CPE: variants seen among roughly 807,000 people sequenced by gnomAD.
CPE encodes the protein carbocypeptidase E.
In CPE, 17 loss-of-function variants were observed where a neutral mutation model predicts 53.5. That is an observed-to-expected ratio of 0.32 (90% CI 0.22 to 0.48). The LOEUF (loss-of-function observed/expected upper bound fraction) is 0.48, where lower values mean the gene tolerates loss of function less well. CPE is among the 20% of genes least tolerant of loss of function. The pLI, the probability that CPE is intolerant of heterozygous loss-of-function variation, is 0.99. For missense variants in CPE, 524 were observed against 614.7 expected, an observed-to-expected ratio of 0.85 and a Z score of 1.56; for synonymous variants, 226 against 228.8, an observed-to-expected ratio of 0.99 and a Z score of 0.11.
chr4:165,469,175 G>A (rs11725942), intron 3 of CPE, among the ~76,000 whole-genome samples: 2,175 of 152,262 alleles, frequency 0.014, 39 homozygotes, highest in African/African-American at 0.038. Context: ...AACATTTGGT[G>A]CATCTTTGAA....
Position 165,405,873 on chromosome 4 carries a change from T to A in CPE, c.307+26345T>A, listed in dbSNP as rs1371777735. 9 of 740,580 alleles carry A rather than the reference T, an allele frequency of 1.2e-5. No homozygotes were observed. In the Admixed American group the frequency reaches 1.4e-4, roughly 12 times the overall value. The allele number at this position is 740,580 out of a possible 1,614,324, so 45.9% of individuals were successfully genotyped here. ...CTTCAGGAGCACCGAATACTGTTTT[T>A]CTGTCTTTTGTTGCTATTTTATATT... On this transcript the variant is annotated intron_variant, in intron 1 of 8. Coordinates refer to ENST00000402744, the MANE Select transcript of CPE (RefSeq NM_001873.4).
At chr4:165,488,048 C>G (rs941081443) in intron 6 of CPE, among the ~76,000 whole-genome samples, 2 of 152,118 alleles carry the variant, frequency 1.3e-5, no homozygotes, top group East Asian at 3.9e-4. Flanking sequence ...ACCCTAGACT[C>G]AACTGCATCA....
intron 3 of CPE, 46 bp from the exon 4 acceptor site, chr4:165,482,196 C>CA (rs1479308794): frequency 1.6e-6 from 2 of 1,255,656 alleles, no homozygotes; most frequent in East Asian, 4.7e-5. Flanking sequence ...GTGATCATAC[C>CA]AATGATTATT....
At chr4:165,473,000 C>T (rs1732235665) in intron 3 of CPE, among the ~76,000 whole-genome samples, 1 of 152,300 alleles carries the variant, frequency 6.6e-6, no homozygotes, top group East Asian at 1.9e-4. Context: ...CTCTTTCTAG[C>T]ATCTAGGGGG....
Position 165,497,561 on chromosome 4 carries a change from A to T in CPE, c.1382A>T (p.Glu461Val). Reference sequence around the variant, plus strand: ...TCTGAAAGGAAAGAAGAGGAGAAGGAAGAATTGATGGAATGGTGGAAAATG... The same window carrying T: ...TCTGAAAGGAAAGAAGAGGAGAAGGTAGAATTGATGGAATGGTGGAAAATG... ...SFSERKEEEK[E>V]ELMEWWKMMS... is the part of the protein sequence containing the mutation. The change falls in exon 9 of 9, where the codon GAA becomes GTA. Residue 461 changes from glutamate to valine, a missense_variant. Transcript: ENST00000402744. The T allele has an allele frequency of 6.3e-7, 1 of 1,582,962 alleles. No homozygotes were observed. The highest frequency in any genetic ancestry group is 1.8e-5 in the Admixed American group (1 of 54,346).
chr4:165,404,665 T>C (rs1297040576), intron 1 of CPE: 1 of 1,029,904 alleles, frequency 9.7e-7, no homozygotes, highest in African/African-American at 1.6e-5. Flanking sequence ...GGTCAACTCC[T>C]TCCTGGAGGA....
intron 1 of CPE, chr4:165,405,165 C>T: frequency 1.3e-6 from 1 of 772,716 alleles, no homozygotes; most frequent in South Asian, 1.4e-5. Flanking sequence ...TGTTGCTGTC[C>T]TCAGCCTAAC....
chr4:165,496,902 T>C (rs977380132), intron 8 of CPE, among the ~76,000 whole-genome samples: 2 of 152,132 alleles, frequency 1.3e-5, no homozygotes, highest in Admixed American at 6.5e-5. Flanking sequence ...GGCAGAAAAT[T>C]AACTATAAGT....
chr4:165,390,581 A>G (rs569403009), intron 1 of CPE, among the ~76,000 whole-genome samples: 23 of 152,292 alleles, frequency 1.5e-4, no homozygotes, highest in African/African-American at 5.3e-4. Context: ...AAATTAGAAT[A>G]ACTTTTGGGT....
At chr4:165,461,211 A>G (rs1448066098) in intron 1 of CPE, among the ~76,000 whole-genome samples, 1 of 150,060 alleles carries the variant, frequency 6.7e-6, no homozygotes, top group Non-Finnish European at 1.5e-5. Context: ...GAAAAGAAAA[A>G]TAACAAAGGA....
intron 1 of CPE, among the ~76,000 whole-genome samples, chr4:165,410,860 G>A (rs766456253): frequency 1.8e-4 from 28 of 152,034 alleles, no homozygotes; most frequent in Admixed American, 1.3e-3. Context: ...GTGTGCACTT[G>A]CACTTTGGGG....
intron 1 of CPE, among the ~76,000 whole-genome samples, chr4:165,441,321 T>G (rs1731605513): frequency 2.0e-5 from 3 of 152,184 alleles, no homozygotes; most frequent in Admixed American, 2.0e-4. Context: ...CTATAGATCC[T>G]GAACTCCTTA....
intron 1 of CPE, among the ~76,000 whole-genome samples, chr4:165,459,678 G>T (rs903864808): frequency 1.5e-5 from 2 of 131,868 alleles, no homozygotes; most frequent in Non-Finnish European, 1.6e-5. Context: ...GCTGGGTGGG[G>T]GGGGGCGGGG....
At chr4:165,428,712 G>T (rs1421329179) in intron 1 of CPE, among the ~76,000 whole-genome samples, 1 of 152,114 alleles carries the variant, frequency 6.6e-6, no homozygotes, top group East Asian at 1.9e-4. Context: ...TCCAGCTCCT[G>T]GTGGGTGCCA....
intron 1 of CPE, among the ~76,000 whole-genome samples, chr4:165,399,414 G>C (rs1276108299): frequency 3.9e-5 from 6 of 152,068 alleles, no homozygotes; most frequent in African/African-American, 1.4e-4. Flanking sequence ...ACCCAGGCTG[G>C]AGTGCAGTGG....
intron 1 of CPE, among the ~76,000 whole-genome samples, chr4:165,415,548 T>C (rs1264451548): frequency 6.6e-6 from 1 of 152,190 alleles, no homozygotes; most frequent in African/African-American, 2.4e-5. Flanking sequence ...AAACATTTAT[T>C]ATATATTCCA....
intron 1 of CPE, among the ~76,000 whole-genome samples, chr4:165,396,895 A>T (rs1730775535): frequency 6.6e-6 from 1 of 150,840 alleles, no homozygotes; most frequent in South Asian, 2.1e-4. Context: ...ACAAAAAAAA[A>T]AAAAAATTAC....
chr4:165,453,907 G>A (rs567266748), intron 1 of CPE, among the ~76,000 whole-genome samples: 1 of 152,102 alleles, frequency 6.6e-6, no homozygotes, highest in Non-Finnish European at 1.5e-5. Flanking sequence ...TAATGTCAGA[G>A]TTTCAATATT....
At chr4:165,388,283 C>G (rs1214496954) in intron 1 of CPE, among the ~76,000 whole-genome samples, 2 of 152,270 alleles carry the variant, frequency 1.3e-5, no homozygotes, top group East Asian at 3.9e-4. Context: ...CTTGAATACC[C>G]TTTTTCCTTT....
Sources: gnomAD v4.1 joint callset for allele counts (sites outside exome capture counted in the v4.1 genomes callset) on GRCh38, gnomAD v4.1.1 for gene constraint, MANE v1.5 for transcripts, NCBI Gene and HGNC (gene_info 2026-07-23, HGNC 2026-07-21) for gene names.